The following TRMT13 variants were observed in gnomAD, a reference collection of about 807,000 sequenced individuals.
TRMT13 encodes tRNA methyltransferase 13.
A neutral mutation model predicts 55.9 loss-of-function variants in TRMT13; 45 were observed. The observed-to-expected ratio is 0.80, with a 90% CI of 0.63 to 1.03. The LOEUF (loss-of-function observed/expected upper bound fraction) is 1.03. Ranked by LOEUF, TRMT13 falls within the 50% of genes least tolerant of loss-of-function variation. The pLI, the probability that TRMT13 is intolerant of heterozygous loss-of-function variation, is 0.00. For synonymous variants in TRMT13, 183 were observed against 196.3 expected, an observed-to-expected ratio of 0.93 and a Z score of 0.57; for missense variants, 513 against 563.9, an observed-to-expected ratio of 0.91 and a Z score of 0.91.
intron 3 of TRMT13, among the ~76,000 whole-genome samples, chr1:100,138,243 T>C (rs1656135127): frequency 6.6e-6 from 1 of 152,186 alleles, no homozygotes; most frequent in Non-Finnish European, 1.5e-5. Context: ...TGGTGAACAA[T>C]TTTTTTAAAT....
intron 9 of TRMT13, chr1:100,144,567 C>CAA (rs199980985): frequency 2.9e-5 from 4 of 139,378 alleles, no homozygotes; most frequent in South Asian, 2.3e-4. Context: ...AAATGTTAGA[C>CAA]AAAAAAAAAA....
At chr1:100,146,192 A>C (rs565063950) in intron 9 of TRMT13, among the ~76,000 whole-genome samples, 2 of 152,314 alleles carry the variant, frequency 1.3e-5, no homozygotes, top group East Asian at 3.9e-4. Flanking sequence ...GAGCTCCCTT[A>C]AATAAGATAT....
At chr1:100,140,342 C>A in intron 5 of TRMT13, 66 bp from the exon 6 acceptor site, 6 of 1,554,452 alleles carry the variant, frequency 3.9e-6, no homozygotes, top group Non-Finnish European at 5.3e-6. Context: ...TATGTTACTA[C>A]TATTGTTCAG....
intron 3 of TRMT13, among the ~76,000 whole-genome samples, chr1:100,137,972 T>C (rs186379120): frequency 1.3e-5 from 2 of 152,328 alleles, no homozygotes; most frequent in Non-Finnish European, 2.9e-5. Context: ...CTTACCTAAG[T>C]TCCAGGTTTC....
chr1:100,139,737 T>C, intron 4 of TRMT13, 26 bp downstream of exon 4: 1 of 1,345,222 alleles, frequency 7.4e-7, no homozygotes. Context: ...TAATATTTAA[T>C]TTTAAAAGAT....
At chr1:100,143,669 C>T (rs1295432369) in intron 8 of TRMT13, among the ~76,000 whole-genome samples, 1 of 152,114 alleles carries the variant, frequency 6.6e-6, no homozygotes, top group African/African-American at 2.4e-5. Context: ...ATATTCCATA[C>T]ACAAAACACA....
chr1:100,149,537 G>A lies in TRMT13; in HGVS notation c.*717G>A. The A allele has an allele frequency of 8.4e-7, 1 of 1,187,950 alleles. No homozygotes were observed. Among genetic ancestry groups the A allele is most frequent in the East Asian group, 2.8e-5 (1 of 36,134 alleles). 73.6% of individuals were successfully genotyped at this position (1,187,950 alleles called of 1,614,324 possible). ...ACTTACAAACATAATTCACAAATTTGAAATAATTTCTGAAGTTGATTAGCT... is the reference window on the plus strand; with the variant it reads ...ACTTACAAACATAATTCACAAATTTAAAATAATTTCTGAAGTTGATTAGCT... On this transcript the variant is annotated 3_prime_UTR_variant, in exon 11 of 11. Coordinates refer to ENST00000370141, the MANE Select transcript of TRMT13 (RefSeq NM_019083.3).
chr1:100,144,170 C>T, intron 9 of TRMT13, 27 bp downstream of exon 9: 1 of 1,583,478 alleles, frequency 6.3e-7, no homozygotes, highest in Non-Finnish European at 8.7e-7. Flanking sequence ...ATAATGTTTA[C>T]ATTAATGCAT....
At chr1:100,134,015 T>C (rs1570723659) in intron 1 of TRMT13, among the ~76,000 whole-genome samples, 2 of 152,014 alleles carry the variant, frequency 1.3e-5, no homozygotes, top group East Asian at 3.9e-4. Flanking sequence ...GAGGTGGCAA[T>C]AATCCAAGAT....
At chr1:100,147,633 A>G (rs144150256) in intron 9 of TRMT13, among the ~76,000 whole-genome samples, 2 of 152,342 alleles carry the variant, frequency 1.3e-5, no homozygotes, top group African/African-American at 2.4e-5. Flanking sequence ...AAGTTCTTCA[A>G]ATTGTAGATC....
intron 1 of TRMT13, among the ~76,000 whole-genome samples, chr1:100,134,281 GA>G (rs1343115974): frequency 6.6e-6 from 1 of 152,016 alleles, no homozygotes; most frequent in Non-Finnish European, 1.5e-5. Flanking sequence ...TATGAGATGG[GA>G]AAATAAAAAC....
intron 1 of TRMT13, among the ~76,000 whole-genome samples, chr1:100,134,654 A>C (rs1158991568): frequency 6.6e-6 from 1 of 152,204 alleles, no homozygotes; most frequent in African/African-American, 2.4e-5. Flanking sequence ...TTTTGAGGGG[A>C]CTGGCAAACA....
In TRMT13 at chr1:100,140,472, C is replaced by A. The variant is rs552515076; in HGVS notation, c.459C>A (p.Asp153Glu). 1 of 1,613,964 alleles carries A rather than the reference C, an allele frequency of 6.2e-7. No individual in the cohort carries two copies. Among genetic ancestry groups the A allele is most frequent in the African/African-American group, 1.3e-5 (1 of 75,014 alleles). The change falls in exon 6 of 11, where the codon GAC becomes GAA. Residue 153 changes from aspartate (D) to glutamate (E), a missense_variant. Around this residue, in one of 3 missense-constraint regions of TRMT13, gnomAD observed 298 missense variants for 290.3 expected, o/e 1.03. Coordinates refer to ENST00000370141, the MANE Select transcript of TRMT13 (RefSeq NM_019083.3). ...SHPALHDALN[D>E]PKNGDSATKH... ...CAGCATTACACGATGCACTTAATGACCCTAAAAATGGCGATTCTGCAACCA... is the reference window on the plus strand; with the variant it reads ...CAGCATTACACGATGCACTTAATGAACCTAAAAATGGCGATTCTGCAACCA...
chr1:100,134,881 C>T (rs1304680249), intron 1 of TRMT13, among the ~76,000 whole-genome samples: 1 of 152,164 alleles, frequency 6.6e-6, no homozygotes, highest in Admixed American at 6.5e-5. Flanking sequence ...ACTACTATCT[C>T]GTTTTAAATT....
At position 100,137,338 on chromosome 1, in the gene TRMT13, G is replaced by T. The variant is rs987638114; in HGVS notation, c.261+253G>T. Among the ~76,000 whole-genome samples the T allele has an allele frequency of 3.9e-5, 6 of 152,154 alleles. No homozygotes were observed. The South Asian group carries it at 1.2e-3, about 32-fold the overall frequency. ...AGCCTCATGACTAGCTGGGACTGTAGGCAAACGACACCACACCTGGCTTAT... is the reference window on the plus strand; with the variant it reads ...AGCCTCATGACTAGCTGGGACTGTATGCAAACGACACCACACCTGGCTTAT... On this transcript the variant is annotated intron_variant, in intron 3 of 10. Coordinates refer to ENST00000370141, the MANE Select transcript of TRMT13 (RefSeq NM_019083.3).
intron 10 of TRMT13, 36 bp downstream of exon 10, chr1:100,148,362 G>T: frequency 1.3e-6 from 2 of 1,559,260 alleles, no homozygotes; most frequent in Non-Finnish European, 8.8e-7. Flanking sequence ...GATACTAAAG[G>T]AGAAATATTA....
rs548262884 is a variant in TRMT13, at chr1:100,133,260, G to C, written c.92G>C (p.Arg31Thr). ...YYVEKKKRFC[R>T]MVVAAGKRFC... ...GTGGAAAAGAAGAAACGGTTCTGCA[G>C]GATGGTGGTGGCCGCAGGGAAAAGA... Residue 31 changes from arginine to threonine, a missense_variant, in exon 1 of 11, where the codon AGG (arginine) becomes ACG (threonine). Coordinates refer to ENST00000370141, the MANE Select transcript of TRMT13 (RefSeq NM_019083.3). 12 of 1,614,040 alleles carry C rather than the reference G, an allele frequency of 7.4e-6. No individual in the cohort carries two copies. Among genetic ancestry groups the C allele is most frequent in the Non-Finnish European group, 8.5e-7 (1 of 1,179,990 alleles).
intron 6 of TRMT13, 117 bp downstream of exon 6, chr1:100,140,631 C>A: frequency 3.3e-6 from 3 of 915,566 alleles, no homozygotes; most frequent in South Asian, 3.4e-5. Flanking sequence ...CCAAATATTT[C>A]CATTTCAAAA....
intron 8 of TRMT13, 87 bp from the exon 9 acceptor site, chr1:100,143,982 A>AAT: frequency 8.9e-7 from 1 of 1,125,024 alleles, no homozygotes; most frequent in Admixed American, 2.1e-5. Flanking sequence ...GCTAAAATTC[A>AAT]GAGACTCTAA....
Sources: gnomAD v4.1 joint callset for allele counts (sites outside exome capture counted in the v4.1 genomes callset) on GRCh38, gnomAD v4.1.1 for gene constraint, gnomAD v4.1.1 regional missense constraint, MANE v1.5 for transcripts, NCBI Gene and HGNC (gene_info 2026-07-23, HGNC 2026-07-21) for gene names.